TSPAN14: variants seen among roughly 807,000 people sequenced by gnomAD.
The protein encoded by TSPAN14 is tetraspanin 14.
Under a neutral mutation model 36.6 loss-of-function variants are expected in TSPAN14, and 16 were observed. The ratio of observed to expected loss-of-function variants is 0.44; its 90% CI spans 0.30 to 0.66. The LOEUF (loss-of-function observed/expected upper bound fraction) is 0.66, where lower values mean the gene tolerates loss of function less well. TSPAN14 is among the 30% of genes least tolerant of loss of function. TSPAN14 has a pLI of 0.12. For missense variants in TSPAN14, 231 were observed against 355.1 expected (o/e 0.65, Z 2.81); for synonymous variants, 139 against 143.8 (o/e 0.97, Z 0.24).
chr10:80,460,988 A>G (rs1400866348), intron 1 of TSPAN14, among the ~76,000 whole-genome samples: 2 of 152,112 alleles, frequency 1.3e-5, no homozygotes, highest in African/African-American at 4.8e-5. Context: ...CCTGGACTGC[A>G]CACTCCTGCT....
At chr10:80,489,498 C>T (rs1020330979) in intron 2 of TSPAN14, among the ~76,000 whole-genome samples, 184 bp downstream of exon 2, 2 of 152,192 alleles carry the variant, frequency 1.3e-5, no homozygotes, top group African/African-American at 2.4e-5. Context: ...GGCCAAAGGC[C>T]GAGGTGATTG....
chr10:80,485,946 G>T (rs901875769), intron 1 of TSPAN14, among the ~76,000 whole-genome samples: 10 of 152,212 alleles, frequency 6.6e-5, no homozygotes, highest in Non-Finnish European at 7.3e-5. Flanking sequence ...GCTCTGGGTT[G>T]TAAGTGGCAC....
chr10:80,475,863 G>A (rs941445680), intron 1 of TSPAN14, among the ~76,000 whole-genome samples: 4 of 152,192 alleles, frequency 2.6e-5, no homozygotes, highest in Non-Finnish European at 4.4e-5. Flanking sequence ...GGGATTACAG[G>A]CATGAGCCGT....
At chr10:80,466,547 C>T (rs796552697) in intron 1 of TSPAN14, 2 of 152,320 alleles carry the variant, frequency 1.3e-5, no homozygotes, top group African/African-American at 4.8e-5. Flanking sequence ...AGGTGTGAGC[C>T]ACAGCACCCA....
At chr10:80,481,952 A>C (rs1847303142) in intron 1 of TSPAN14, among the ~76,000 whole-genome samples, 2 of 152,062 alleles carry the variant, frequency 1.3e-5, no homozygotes, top group African/African-American at 4.8e-5. Flanking sequence ...ATGGGGTTTT[A>C]CCATGTTAGC....
chr10:80,492,939 A>G (rs1234571109), intron 2 of TSPAN14, among the ~76,000 whole-genome samples: 1 of 152,122 alleles, frequency 6.6e-6, no homozygotes. Context: ...GATTGTTAAA[A>G]CCTGCTTGGG....
rs575544461 is a variant in TSPAN14, at chr10:80,501,476, A to G, written c.82-3252A>G. On this transcript the variant is annotated intron_variant, in intron 2 of 8. Transcript: ENST00000429989. ...AGTCAGACTTAGTAGTCAAGGTGAG[A>G]GAAGGGGTGAGCTGTGAAGTGCAGT... 1.5e-4 allele frequency among the ~76,000 whole-genome samples: 23 copies of G among 152,184 alleles called. No individual in the cohort carries two copies. The East Asian group carries it at 4.1e-3, about 27-fold the overall frequency.
chr10:80,455,950 T>A (rs1038647883), intron 1 of TSPAN14, among the ~76,000 whole-genome samples: 2 of 152,170 alleles, frequency 1.3e-5, no homozygotes, highest in Non-Finnish European at 2.9e-5. Flanking sequence ...GTATTTTCCC[T>A]TTCCTTCTCA....
rs530464426 is a variant in TSPAN14, at chr10:80,481,689, G to A, written c.-17-7528G>A. Among the ~76,000 whole-genome samples the A allele has an allele frequency of 3.9e-5, 6 of 152,300 alleles. No homozygotes were observed. In the South Asian group the frequency reaches 8.3e-4, roughly 21 times the overall value. On this transcript the variant is annotated intron_variant, in intron 1 of 8. Coordinates refer to ENST00000429989, the Ensembl canonical transcript of TSPAN14. Reference sequence around the variant, plus strand: ...GGGGAATTGTAATACAAAATGGCGCGATCTCGGCTCACCGTAACCTCCGCC... The same window carrying A: ...GGGGAATTGTAATACAAAATGGCGCAATCTCGGCTCACCGTAACCTCCGCC...
At chr10:80,463,860 G>A (rs1453756990) in intron 1 of TSPAN14, among the ~76,000 whole-genome samples, 1 of 152,240 alleles carries the variant, frequency 6.6e-6, no homozygotes, top group Non-Finnish European at 1.5e-5. Flanking sequence ...AGAGACAAGA[G>A]CTGGAGAAAC....
intron 5 of TSPAN14, among the ~76,000 whole-genome samples, chr10:80,510,627 C>A (rs1408089393): frequency 6.6e-6 from 1 of 152,198 alleles, no homozygotes; most frequent in Non-Finnish European, 1.5e-5. Context: ...GTAATCCCAG[C>A]ACTTTGGGAG....
chr10:80,520,894 C>T (rs138707159), exon 9 of TSPAN14: 310 of 508,182 alleles, frequency 6.1e-4, no homozygotes, highest in African/African-American at 5.4e-3. Context: ...CGCCAGTTCT[C>T]TGACCTCTCC....
At chr10:80,458,662 C>T (rs1564705943) in intron 1 of TSPAN14, among the ~76,000 whole-genome samples, 1 of 152,194 alleles carries the variant, frequency 6.6e-6, no homozygotes, top group African/African-American at 2.4e-5. Context: ...AGGTGAATGC[C>T]AGCGTTTCAG....
At chr10:80,514,778 CAT>C (rs1268941994) in intron 7 of TSPAN14, among the ~76,000 whole-genome samples, 3 of 152,262 alleles carry the variant, frequency 2.0e-5, no homozygotes, top group African/African-American at 7.2e-5. Context: ...CCAAAATTCA[CAT>C]GTTGGAACTT....
At chr10:80,484,465 C>G (rs1414859179) in intron 1 of TSPAN14, among the ~76,000 whole-genome samples, 1 of 152,138 alleles carries the variant, frequency 6.6e-6, no homozygotes, top group African/African-American at 2.4e-5. Context: ...GCTGGGACTT[C>G]AGTCACCACA....
intron 1 of TSPAN14, chr10:80,485,510 C>T: frequency 2.4e-6 from 1 of 415,574 alleles, no homozygotes; most frequent in Non-Finnish European, 3.2e-6. Flanking sequence ...GCAGCTCCAT[C>T]ATTACCCCTC....
chr10:80,458,353 A>G (rs185734514), intron 1 of TSPAN14, among the ~76,000 whole-genome samples: 1 of 152,282 alleles, frequency 6.6e-6, no homozygotes, highest in East Asian at 1.9e-4. Context: ...AGGCCACGTT[A>G]GTAGGATTTT....
Position 80,476,681 on chromosome 10 carries a change from C to T in TSPAN14, c.-17-12536C>T, listed in dbSNP as rs1249935085. Among the ~76,000 whole-genome samples the T allele has an allele frequency of 3.9e-5, 6 of 152,152 alleles. No homozygotes were observed. The East Asian group carries it at 1.2e-3, about 29-fold the overall frequency. On this transcript the variant is annotated intron_variant, in intron 1 of 8. Transcript: ENST00000429989. Reference sequence around the variant, plus strand: ...CTGCCCGCCTCGGCCTCCCAAAGTGCTGGGATTACAGGAGTTTTACTGTAT... The same window carrying T: ...CTGCCCGCCTCGGCCTCCCAAAGTGTTGGGATTACAGGAGTTTTACTGTAT...
At chr10:80,516,104 C>T (rs938319142) in intron 7 of TSPAN14, 100 bp from the exon 8 acceptor site, 226 of 1,576,676 alleles carry the variant, frequency 1.4e-4, no homozygotes, top group Middle Eastern at 3.7e-4. Context: ...TCCCTCGTTC[C>T]CACCCTGCTT....
Sources: allele counts gnomAD v4.1 joint callset (sites outside exome capture counted in the v4.1 genomes callset), GRCh38; gene constraint gnomAD v4.1.1; transcripts MANE v1.5; gene names NCBI Gene and HGNC (gene_info 2026-07-23, HGNC 2026-07-21).